NLRC3: variants seen among roughly 807,000 people sequenced by gnomAD.
NLRC3 encodes the protein NLR family CARD domain containing 3.
In NLRC3, 87 loss-of-function variants were observed where a neutral mutation model predicts 91.6. The observed-to-expected ratio is 0.95, with a 90% CI of 0.80 to 1.14. The LOEUF (loss-of-function observed/expected upper bound fraction) is 1.14. Among genes scored for constraint, NLRC3 ranks in the 50% most tolerant of loss-of-function variants. NLRC3 has a pLI of 0.00. For synonymous variants in NLRC3, 694 were observed against 625.3 expected, an observed-to-expected ratio of 1.11 and a Z score of -1.64; for missense variants, 1,577 against 1,418.6, an observed-to-expected ratio of 1.11 and a Z score of -1.79.
chr16:3,575,424 C>T (rs946294945), intron 1 of NLRC3, among the ~76,000 whole-genome samples: 3 of 151,858 alleles, frequency 2.0e-5, no homozygotes, highest in Non-Finnish European at 4.4e-5. Flanking sequence ...AGCTGAAAGA[C>T]AGAGAGACTG....
chr16:3,562,470 G>A (rs563818461), intron 5 of NLRC3, among the ~76,000 whole-genome samples: 10 of 152,066 alleles, frequency 6.6e-5, no homozygotes, highest in South Asian at 2.1e-4. Context: ...GTGAAACCCC[G>A]TCTCTACTAA....
At chr16:3,542,570 G>A (rs1250354025) in intron 18 of NLRC3, 122 bp downstream of exon 18, 6 of 667,866 alleles carry the variant, frequency 9.0e-6, no homozygotes, top group South Asian at 7.2e-5. Flanking sequence ...TAATAAGTCT[G>A]ATTGTTTATA....
intron 2 of NLRC3, among the ~76,000 whole-genome samples, chr16:3,565,771 A>G (rs1325999829): frequency 6.7e-6 from 1 of 150,228 alleles, no homozygotes; most frequent in Non-Finnish European, 1.5e-5. Flanking sequence ...GGCTGGGCAC[A>G]GTGACTCACA....
At chr16:3,549,090 G>GGTGTGGTCA in intron 13 of NLRC3, 52 bp downstream of exon 13, 2 of 1,345,228 alleles carry the variant, frequency 1.5e-6, no homozygotes, top group Non-Finnish European at 2.1e-6. Context: ...GCTCGGTGTG[G>GGTGTGGTCA]GTGTGGTCAT....
At chr16:3,546,832 C>T (rs139845335) in intron 15 of NLRC3, among the ~76,000 whole-genome samples, 1 of 152,122 alleles carries the variant, frequency 6.6e-6, no homozygotes, top group African/African-American at 2.4e-5. Flanking sequence ...AGGAAAAGAG[C>T]TCCAGGAAAA....
At chr16:3,544,572 A>G (rs1047065607) in intron 15 of NLRC3, 2 of 485,534 alleles carry the variant, frequency 4.1e-6, no homozygotes, top group African/African-American at 3.9e-5. Context: ...AATGGGACAT[A>G]TAGAGTGACT....
intron 1 of NLRC3, among the ~76,000 whole-genome samples, chr16:3,576,242 C>T (rs2040286567): frequency 6.6e-6 from 1 of 152,226 alleles, no homozygotes; most frequent in Non-Finnish European, 1.5e-5. Context: ...AACACCCAGG[C>T]TGGCCCAGGG....
At position 3,563,069 on chromosome 16, in the gene NLRC3, C is replaced by G; in HGVS notation, c.1868G>C (p.Ser623Thr). 4 of 1,565,716 alleles carry G rather than the reference C, an allele frequency of 2.6e-6. No individual in the cohort carries two copies. The highest frequency in any genetic ancestry group is 1.4e-5 in the African/African-American group (1 of 74,004). The change falls in exon 5 of 20, where the codon AGC becomes ACC. Residue 623 changes from serine to threonine, a missense_variant. Ser to Thr is a moderately conservative substitution (Grantham distance 58, BLOSUM62 1). Coordinates refer to ENST00000359128, the MANE Select transcript of NLRC3 (RefSeq NM_178844.4). ...ACAQEANLSL[S>T]LSQGVLQSLL... is the part of the protein sequence containing the mutation. ...GCTCTGAAGGACGCCCTGGCTGAGGCTCAGGGACAGGTTGGCCTCCTGGGC... is the reference window on the plus strand; with the variant it reads ...GCTCTGAAGGACGCCCTGGCTGAGGGTCAGGGACAGGTTGGCCTCCTGGGC...
At chr16:3,566,724 TAAAAAAA>T (rs144030899) in intron 2 of NLRC3, among the ~76,000 whole-genome samples, 3 of 123,914 alleles carry the variant, frequency 2.4e-5, no homozygotes, top group South Asian at 2.6e-4. Context: ...AAACTCCGTA[TAAAAAAA>T]AAAAAAAAAA....
At chr16:3,567,964 C>T (rs1169048578) in intron 1 of NLRC3, among the ~76,000 whole-genome samples, 2 of 151,124 alleles carry the variant, frequency 1.3e-5, no homozygotes, top group Non-Finnish European at 2.9e-5. Context: ...CTCCCAGGTT[C>T]AAGCAATTCT....
At chr16:3,567,757 G>A (rs1309898891) in intron 1 of NLRC3, among the ~76,000 whole-genome samples, 2 of 109,700 alleles carry the variant, frequency 1.8e-5, no homozygotes, top group Admixed American at 1.1e-4. Flanking sequence ...GGGCAACAGA[G>A]CGAGACTCCA....
At chr16:3,541,947 G>C in intron 19 of NLRC3, 32 bp from the exon 20 acceptor site, 1 of 1,311,782 alleles carries the variant, frequency 7.6e-7, no homozygotes, top group African/African-American at 1.4e-5. Context: ...AGGGCTCAAA[G>C]CCTGCAGGTT....
intron 15 of NLRC3, chr16:3,545,826 G>A (rs956842566): frequency 1.3e-5 from 2 of 152,282 alleles, no homozygotes; most frequent in African/African-American, 4.8e-5. Context: ...GACAAAGGAA[G>A]CAGATTTTAG....
chr16:3,543,056 T>A, intron 17 of NLRC3: 1 of 507,956 alleles, frequency 2.0e-6, no homozygotes, highest in Non-Finnish European at 3.6e-6. Flanking sequence ...GAGGCAGCCC[T>A]CCATCTGGGC....
At chr16:3,572,326 A>C (rs1374829962) in intron 1 of NLRC3, among the ~76,000 whole-genome samples, 1 of 151,286 alleles carries the variant, frequency 6.6e-6, no homozygotes, top group Non-Finnish European at 1.5e-5. Context: ...TTGAGACAGG[A>C]TCTCACTGTG....
rs1447577057 is a variant in NLRC3 at position 3,540,035 on chromosome 16, G to C, written c.*1790C>G. The C allele has an allele frequency of 6.6e-6, 1 of 152,214 alleles. No homozygotes were observed. The highest frequency in any genetic ancestry group is 2.1e-4 in the South Asian group (1 of 4,836). The allele number at this position is 152,214 out of a possible 1,614,324, so 9.4% of individuals were successfully genotyped here. A position where few individuals can be genotyped will look rare whatever the true frequency, so the allele number is the denominator to read the frequency against. ...ACAAGAATACATCAGAGACGACTCC[G>C]TGGTGCATCAGACTGGGGGCATGTG... On this transcript the variant is annotated 3_prime_UTR_variant, in exon 20 of 20. Transcript: ENST00000359128.
At position 3,564,833 on chromosome 16, in the gene NLRC3, G is replaced by T. The variant is rs375442625; in HGVS notation, c.178+26C>A. 1.3e-6 allele frequency: 2 copies of T among 1,587,146 alleles called. No individual in the cohort carries two copies. The highest frequency in any genetic ancestry group is 3.4e-5 in the Admixed American group (2 of 58,896). On this transcript the variant is annotated intron_variant, in intron 4 of 19. Coordinates refer to ENST00000359128, the MANE Select transcript of NLRC3 (RefSeq NM_178844.4). This position sits in a 1 kb window ranked among gnomAD's most constrained non-coding sequence, Gnocchi z 5.9. Reference sequence around the variant, plus strand: ...AATCAGCCCAGGTGTTCCCCACCCCGCGTCTGCCTCCCAAGCCGGTCCTAC... The same window carrying T: ...AATCAGCCCAGGTGTTCCCCACCCCTCGTCTGCCTCCCAAGCCGGTCCTAC...
In NLRC3 at chr16:3,564,317, G is replaced by A. The variant is rs779421517; in HGVS notation, c.620C>T (p.Ala207Val). 6.2e-6 allele frequency: 10 copies of A among 1,611,292 alleles called. No individual in the cohort carries two copies. The highest frequency in any genetic ancestry group is 2.2e-5 in the East Asian group (1 of 44,846). The stretch of plus-strand genomic sequence containing the variant: ...GAGGGCCCTGGCTGGGACTGCCACC[G>A]CCAGGCTGGGCTCCCCGACGTGCGG... Reference protein sequence around the residue: ...VFPHVGEPSLAVAVPARALLI... With the variant: ...VFPHVGEPSLVVAVPARALLI... The change falls in exon 5 of 20, where the codon GCG becomes GTG. Residue 207 changes from alanine (A) to valine (V), a missense_variant. Coordinates refer to ENST00000359128, the MANE Select transcript of NLRC3 (RefSeq NM_178844.4). This position sits in a 1 kb window ranked among gnomAD's most constrained non-coding sequence, Gnocchi z 5.9.
chr16:3,542,624 C>T (rs1469076018), intron 18 of NLRC3, 68 bp downstream of exon 18: 7 of 884,118 alleles, frequency 7.9e-6, no homozygotes, highest in Admixed American at 4.3e-5. Context: ...GCATTTTATT[C>T]CATCAGGGAG....
Sources: allele counts gnomAD v4.1 joint callset (sites outside exome capture counted in the v4.1 genomes callset), GRCh38; gene constraint gnomAD v4.1.1; non-coding constraint Gnocchi (gnomAD v3.1); transcripts MANE v1.5; gene names NCBI Gene and HGNC (gene_info 2026-07-23, HGNC 2026-07-21).